IL1RAPL2: variants seen among roughly 807,000 people sequenced by gnomAD.
IL1RAPL2 encodes the protein interleukin 1 receptor accessory protein like 2, also known as X-linked interleukin-1 receptor accessory protein-like 2.
A neutral mutation model predicts 44.1 loss-of-function variants in IL1RAPL2; 3 were observed. That is an observed-to-expected ratio of 0.07 (90% confidence interval 0.03 to 0.18). IL1RAPL2 has a LOEUF of 0.18. Among genes scored for constraint, IL1RAPL2 ranks in the 10% least tolerant of loss-of-function variants. The pLI, the probability that IL1RAPL2 is intolerant of heterozygous loss-of-function variation, is 1.00. For synonymous variants in IL1RAPL2, 181 were observed against 178.8 expected (o/e 1.01, Z -0.10); for missense variants, 391 against 496.4 (o/e 0.79, Z 2.02).
chrX:104,849,371 T>TATATATATA (rs1298461170), intron 2 of IL1RAPL2, among the ~76,000 whole-genome samples: 14 of 96,273 alleles, frequency 1.5e-4, no homozygotes, highest in Non-Finnish European at 2.1e-4. Flanking sequence ...TATATATGGA[T>TATATATATA]TACTTACGGA....
chrX:104,608,960 A>T (rs1300131899), intron 1 of IL1RAPL2, among the ~76,000 whole-genome samples: 1 of 111,270 alleles, frequency 9.0e-6, no homozygotes, highest in Non-Finnish European at 1.9e-5. Context: ...TGGTCTTTAC[A>T]ATTTGGCATG....
chrX:105,336,440 A>G (rs960180581), intron 5 of IL1RAPL2, among the ~76,000 whole-genome samples: 4 of 112,589 alleles, frequency 3.6e-5, no homozygotes, highest in Non-Finnish European at 5.6e-5. Context: ...GCACTTTGAT[A>G]GGCTCTCAAG....
intron 2 of IL1RAPL2, among the ~76,000 whole-genome samples, chrX:105,189,768 A>G (rs921129449): frequency 1.8e-5 from 2 of 111,639 alleles, no homozygotes; most frequent in Admixed American, 9.5e-5. Flanking sequence ...AATGGTTATT[A>G]TTTGGGAATA....
At chrX:105,053,879 A>G (rs2147528772) in intron 2 of IL1RAPL2, among the ~76,000 whole-genome samples, 1 of 111,913 alleles carries the variant, frequency 8.9e-6, no homozygotes, top group African/African-American at 3.2e-5. Context: ...GTGCACCTGT[A>G]GTCCTAGCTA....
At chrX:105,080,666 T>TAG in intron 2 of IL1RAPL2, among the ~76,000 whole-genome samples, 2 of 112,063 alleles carry the variant, frequency 1.8e-5, no homozygotes, top group African/African-American at 6.5e-5. Flanking sequence ...CCTCAAGCTT[T>TAG]GTTCTTTTTG....
At chrX:104,690,037 T>G (rs775660244) in intron 2 of IL1RAPL2, among the ~76,000 whole-genome samples, 70 of 112,044 alleles carry the variant, frequency 6.2e-4, no homozygotes, top group Non-Finnish European at 6.8e-4. Context: ...CTCTGGAGAA[T>G]AAATTTGCCT....
intron 1 of IL1RAPL2, among the ~76,000 whole-genome samples, chrX:104,626,164 T>C (rs988581004): frequency 3.6e-5 from 4 of 111,283 alleles, no homozygotes; most frequent in African/African-American, 1.3e-4. Flanking sequence ...TCCCAATGAA[T>C]GTTAGTTTCA....
chrX:104,764,062 T>A (rs918628259), intron 2 of IL1RAPL2, among the ~76,000 whole-genome samples: 1 of 111,871 alleles, frequency 8.9e-6, no homozygotes, highest in African/African-American at 3.2e-5. Context: ...TGGTTCCATA[T>A]AAATTTTAGG....
rs191102149 is a variant in IL1RAPL2 at position 105,606,786 on chromosome X, A to T, written c.773-110581A>T. On this transcript the variant is annotated intron_variant, in intron 6 of 10. Coordinates refer to ENST00000372582, the MANE Select transcript of IL1RAPL2 (RefSeq NM_017416.2). ...GGAGATAAATATGTCAAGTGAAATA[A>T]GCCAGGCACAGAAATATAAATACAG... Among the ~76,000 whole-genome samples the T allele has an allele frequency of 5.5e-3, 609 of 111,531 alleles. 9 individuals are homozygous for T. Among genetic ancestry groups the T allele is most frequent in the African/African-American group, 0.019 (574 of 30,776 alleles).
chrX:104,930,878 C>T (rs1289231209), intron 2 of IL1RAPL2, among the ~76,000 whole-genome samples: 2 of 111,274 alleles, frequency 1.8e-5, no homozygotes, highest in Non-Finnish European at 3.8e-5. Flanking sequence ...AGAAAATAAA[C>T]AGTCTTTAAA....
intron 6 of IL1RAPL2, among the ~76,000 whole-genome samples, chrX:105,496,074 T>A (rs1248726773): frequency 8.9e-6 from 1 of 112,151 alleles, no homozygotes; most frequent in Non-Finnish European, 1.9e-5. Flanking sequence ...TTGATCTCCA[T>A]AGCCCCTTAT....
At chrX:104,949,298 T>G (rs1925496120) in intron 2 of IL1RAPL2, among the ~76,000 whole-genome samples, 1 of 111,478 alleles carries the variant, frequency 9.0e-6, no homozygotes, top group Non-Finnish European at 1.9e-5. Flanking sequence ...ATGTCTTTGA[T>G]TCTTCTCTCT....
intron 5 of IL1RAPL2, among the ~76,000 whole-genome samples, chrX:105,329,708 T>C (rs1880807981): frequency 1.8e-5 from 2 of 111,137 alleles, no homozygotes; most frequent in Non-Finnish European, 3.8e-5. Context: ...TATACGGCTT[T>C]TAAGCACTTG....
chrX:105,688,022 C>A (rs1022914385), intron 6 of IL1RAPL2, among the ~76,000 whole-genome samples: 5 of 111,756 alleles, frequency 4.5e-5, no homozygotes, highest in African/African-American at 1.6e-4. Context: ...AATTCAGCAG[C>A]CCTTCATGCT....
chrX:105,482,254 T>C (rs191337228), intron 5 of IL1RAPL2, among the ~76,000 whole-genome samples: 1 of 111,997 alleles, frequency 8.9e-6, no homozygotes, highest in Non-Finnish European at 1.9e-5. Context: ...TACAACAAAA[T>C]TGAACATCTG....
chrX:104,605,816 G>A (rs758928955), intron 1 of IL1RAPL2, among the ~76,000 whole-genome samples: 27 of 111,876 alleles, frequency 2.4e-4, no homozygotes, highest in African/African-American at 8.4e-4. Context: ...CTGAAATTGA[G>A]GCAGCAATTA....
At chrX:105,224,043 A>G (rs782138478) in intron 3 of IL1RAPL2, among the ~76,000 whole-genome samples, 1 of 110,894 alleles carries the variant, frequency 9.0e-6, no homozygotes, top group Non-Finnish European at 1.9e-5. Flanking sequence ...TTCAGTGCTC[A>G]GTTTGTGGCT....
intron 6 of IL1RAPL2, among the ~76,000 whole-genome samples, chrX:105,505,618 C>T (rs1012155808): frequency 9.0e-5 from 10 of 111,231 alleles, no homozygotes; most frequent in Admixed American, 2.9e-4. Context: ...TCCAGTATAG[C>T]TAAACATTGC....
intron 2 of IL1RAPL2, among the ~76,000 whole-genome samples, chrX:104,978,367 G>A (rs1348528782): frequency 1.8e-5 from 2 of 111,526 alleles, no homozygotes; most frequent in Non-Finnish European, 3.8e-5. Flanking sequence ...TCTCATGGGT[G>A]TTCATTATAT....
Sources: gnomAD v4.1 joint callset for allele counts (sites outside exome capture counted in the v4.1 genomes callset) on GRCh38, gnomAD v4.1.1 for gene constraint, MANE v1.5 for transcripts, NCBI Gene and HGNC (gene_info 2026-07-23, HGNC 2026-07-21) for gene names.